DSCAM: variants seen among roughly 807,000 people sequenced by gnomAD.
The protein encoded by DSCAM is DS cell adhesion molecule.
Under a neutral mutation model 217.7 loss-of-function variants are expected in DSCAM, and 47 were observed. The ratio of observed to expected loss-of-function variants is 0.22; its 90% CI spans 0.17 to 0.28. The LOEUF (loss-of-function observed/expected upper bound fraction) is 0.28. DSCAM is among the 10% of genes least tolerant of loss of function. The pLI is 1.00. For missense variants in DSCAM, 2,080 were observed against 2,618.3 expected (o/e 0.79, Z 4.49); for synonymous variants, 1,056 against 1,015.3 (o/e 1.04, Z -0.76).
intron 3 of DSCAM, among the ~76,000 whole-genome samples, chr21:40,611,451 T>C (rs553990726): frequency 2.0e-5 from 3 of 152,156 alleles, no homozygotes; most frequent in Non-Finnish European, 4.4e-5. Flanking sequence ...AATGAGACAA[T>C]TGATACCCTT....
At chr21:40,637,444 T>TATAA (rs2089801312) in intron 3 of DSCAM, among the ~76,000 whole-genome samples, 1 of 40,064 alleles carries the variant, frequency 2.5e-5, no homozygotes, top group Non-Finnish European at 4.1e-5. Flanking sequence ...TATAAATATA[T>TATAA]ATATAAATAT....
chr21:40,432,221 T>TAAATAAATAAATAAATAC (rs1473127132), intron 3 of DSCAM, among the ~76,000 whole-genome samples: 1 of 149,690 alleles, frequency 6.7e-6, no homozygotes, highest in African/African-American at 2.5e-5. Context: ...AAAATAAATA[T>TAAATAAATAAATAAATAC]ATAAATAAAT....
At position 40,414,877 on chromosome 21, in the gene DSCAM, G is replaced by C. The variant is rs2075356376; in HGVS notation, c.509-45632C>G. Among the ~76,000 whole-genome samples, 10 of 152,306 alleles carry C rather than the reference G, an allele frequency of 6.6e-5. No homozygotes were observed. The South Asian group carries it at 2.1e-3, about 32-fold the overall frequency. ...AAGACATGGGACAAAGGAAGGAAGA[G>C]CTATTTATTCATCTCAGCTTTATTC... On this transcript the variant is annotated intron_variant, in intron 3 of 32. Transcript: ENST00000400454.
At chr21:40,200,758 A>G (rs1026898257) in intron 11 of DSCAM, among the ~76,000 whole-genome samples, 3 of 152,194 alleles carry the variant, frequency 2.0e-5, no homozygotes, top group Non-Finnish European at 2.9e-5. Flanking sequence ...CTCATCTGTA[A>G]GAACAATGAG....
intron 30 of DSCAM, among the ~76,000 whole-genome samples, chr21:40,046,060 G>A (rs1005100905): frequency 1.3e-5 from 2 of 152,196 alleles, no homozygotes; most frequent in Admixed American, 6.5e-5. Flanking sequence ...TTCAGATAAC[G>A]CCTGTTACTT....
At chr21:40,520,275 T>C (rs879494637) in intron 3 of DSCAM, among the ~76,000 whole-genome samples, 4 of 152,168 alleles carry the variant, frequency 2.6e-5, no homozygotes, top group Non-Finnish European at 5.9e-5. Context: ...AGTTATACCT[T>C]ACTTTAAATA....
intron 3 of DSCAM, among the ~76,000 whole-genome samples, chr21:40,423,905 G>A (rs1273425849): frequency 6.6e-6 from 1 of 152,160 alleles, no homozygotes; most frequent in African/African-American, 2.4e-5. Context: ...GGAAGAGGGA[G>A]ATGCTGGATA....
At chr21:40,092,186 T>C (rs1461819615) in intron 21 of DSCAM, among the ~76,000 whole-genome samples, 1 of 152,034 alleles carries the variant, frequency 6.6e-6, no homozygotes, top group African/African-American at 2.4e-5. Flanking sequence ...CATCAAACCC[T>C]CCATACTCCC....
chr21:40,598,021 A>T (rs7275985), intron 3 of DSCAM, among the ~76,000 whole-genome samples: 32,355 of 152,128 alleles, frequency 0.21, 3,636 homozygotes, highest in East Asian at 0.31. Context: ...TGACAAATGT[A>T]TAATGTCATG....
At chr21:40,189,648 T>C (rs1414393779) in intron 11 of DSCAM, among the ~76,000 whole-genome samples, 1 of 152,128 alleles carries the variant, frequency 6.6e-6, no homozygotes, top group African/African-American at 2.4e-5. Context: ...GGCGGATCTT[T>C]CCCATGCTGT....
At chr21:40,305,052 C>G (rs1197203690) in intron 9 of DSCAM, among the ~76,000 whole-genome samples, 1 of 152,064 alleles carries the variant, frequency 6.6e-6, no homozygotes, top group Non-Finnish European at 1.5e-5. Flanking sequence ...AGGATTGCCA[C>G]AAACCTTCAA....
intron 3 of DSCAM, among the ~76,000 whole-genome samples, chr21:40,447,379 T>C (rs577833639): frequency 2.0e-5 from 3 of 152,354 alleles, no homozygotes; most frequent in Non-Finnish European, 4.4e-5. Flanking sequence ...GTACTTATTG[T>C]ATTTTTCACA....
chr21:40,735,477 T>C (rs1327055106), intron 1 of DSCAM, among the ~76,000 whole-genome samples: 1 of 152,230 alleles, frequency 6.6e-6, no homozygotes, highest in African/African-American at 2.4e-5. Context: ...AAAAAAAGGC[T>C]GCAAACTCTT....
intron 1 of DSCAM, among the ~76,000 whole-genome samples, chr21:40,791,645 A>T (rs9982285): frequency 0.45 from 68,473 of 151,842 alleles, 17,308 homozygotes; most frequent in South Asian, 0.65. Flanking sequence ...AGAGAGAGAC[A>T]CCGTCTCAAA....
chr21:40,391,097 T>C (rs1035815331), intron 3 of DSCAM, among the ~76,000 whole-genome samples: 2 of 152,222 alleles, frequency 1.3e-5, no homozygotes, highest in Admixed American at 1.3e-4. Context: ...GCAGACCGCA[T>C]GAAATCATTG....
At chr21:40,279,298 A>G (rs1363385894) in intron 10 of DSCAM, among the ~76,000 whole-genome samples, 1 of 152,258 alleles carries the variant, frequency 6.6e-6, no homozygotes, top group East Asian at 1.9e-4. Context: ...GAATTACACC[A>G]GCAACTTGTA....
At chr21:40,668,604 C>A (rs1279787644) in intron 3 of DSCAM, among the ~76,000 whole-genome samples, 1 of 152,202 alleles carries the variant, frequency 6.6e-6, no homozygotes, top group Non-Finnish European at 1.5e-5. Context: ...CTAGGCCCCA[C>A]ACCAAGCTAC....
In DSCAM at chr21:40,182,619, G is replaced by GA. The variant is rs1157755173; in HGVS notation, c.2780-3526_2780-3525insT. 1.0e-4 allele frequency among the ~76,000 whole-genome samples: 14 copies of GA among 139,894 alleles called. 1 individual carries two copies. Among genetic ancestry groups the GA allele is most frequent in the African/African-American group, 4.0e-4 (14 of 34,596 alleles). 91.8% of individuals were successfully genotyped at this position (139,894 alleles called of 152,430 possible). On this transcript the variant is annotated intron_variant, in intron 14 of 32. Transcript: ENST00000400454. ...CAGCAGAGAAACCGTGGACAGAACG[G>GA]GCCACCAGAGAAACCGTGGACAGGA...
At chr21:40,167,369 C>T (rs544414612) in intron 15 of DSCAM, 81 bp from the exon 16 acceptor site, 28 of 1,205,102 alleles carry the variant, frequency 2.3e-5, no homozygotes, top group East Asian at 9.3e-5. Flanking sequence ...AGGTGGTCCC[C>T]GAGGACAACC....
Sources: gnomAD v4.1 joint callset for allele counts (sites outside exome capture counted in the v4.1 genomes callset) on GRCh38, gnomAD v4.1.1 for gene constraint, MANE v1.5 for transcripts, NCBI Gene and HGNC (gene_info 2026-07-23, HGNC 2026-07-21) for gene names.